The following SH2D1A variants were observed in gnomAD, a reference collection of about 807,000 sequenced individuals.
SH2D1A encodes SH2 domain-containing protein 1A.
SH2D1A carries 6 observed loss-of-function variants against 10.1 expected under a neutral mutation model. The observed-to-expected ratio is 0.60, with a 90% confidence interval of 0.33 to 1.18. The LOEUF (loss-of-function observed/expected upper bound fraction) is 1.18, where lower values mean the gene tolerates loss of function less well. SH2D1A is among the 50% of genes most tolerant of loss of function. SH2D1A has a pLI of 0.04. For missense variants in SH2D1A, 51 were observed against 97.6 expected (o/e 0.52, Z 2.01); for synonymous variants, 42 against 36.9 (o/e 1.14, Z -0.51).
At chrX:124,364,122 A>G (rs1034543484) in intron 1 of SH2D1A, among the ~76,000 whole-genome samples, 1 of 110,073 alleles carries the variant, frequency 9.1e-6, no homozygotes, top group African/African-American at 3.3e-5. Context: ...GAGGTATTCC[A>G]GAAGGCATTC....
chrX:124,356,255 A>G (rs1028232099), intron 1 of SH2D1A, among the ~76,000 whole-genome samples: 2 of 110,377 alleles, frequency 1.8e-5, no homozygotes, highest in African/African-American at 6.6e-5. Flanking sequence ...ATGGCTGCAT[A>G]GTATTCCATG....
chrX:124,352,893 CAGTT>C (rs2060018472), intron 1 of SH2D1A, among the ~76,000 whole-genome samples: 1 of 111,292 alleles, frequency 9.0e-6, no homozygotes, highest in South Asian at 3.7e-4. Context: ...TACAAACAGA[CAGTT>C]AGATAGAAGA....
intron 1 of SH2D1A, among the ~76,000 whole-genome samples, chrX:124,348,381 C>T (rs2059999323): frequency 9.0e-6 from 1 of 111,043 alleles, no homozygotes; most frequent in Non-Finnish European, 1.9e-5. Context: ...ATGTACAAAA[C>T]AAGTCTGGGC....
chrX:124,365,063 C>G (rs1460047351), intron 1 of SH2D1A, among the ~76,000 whole-genome samples: 1 of 110,668 alleles, frequency 9.0e-6, no homozygotes, highest in African/African-American at 3.3e-5. Context: ...GGTTTGTAGC[C>G]TGGAGTAATA....
chrX:124,364,165 C>T (rs371644478), intron 1 of SH2D1A, among the ~76,000 whole-genome samples: 1 of 110,345 alleles, frequency 9.1e-6, no homozygotes. Flanking sequence ...ATGACAGCTC[C>T]GTGTGTGTGA....
chrX:124,357,738 T>C (rs1299918819), intron 1 of SH2D1A, among the ~76,000 whole-genome samples: 1 of 112,021 alleles, frequency 8.9e-6, no homozygotes, highest in African/African-American at 3.2e-5. Flanking sequence ...ATTAGTGAGG[T>C]TGAGCATTTT....
Position 124,372,478 on chromosome X carries a change from T to C in SH2D1A, c.*1087T>C. 5.8e-6 allele frequency: 1 copy of C among 171,713 alleles called. No homozygotes were observed. The allele number at this position is 171,713 out of a possible 1,213,427, so 14.2% of individuals were successfully genotyped here. ...ACTGTCTTGTTGGACGAGAAAACAA[T>C]AACGATAAAAGACAGTGAAAGAAAA... On this transcript the variant is annotated 3_prime_UTR_variant, in exon 4 of 4. Coordinates refer to ENST00000371139, the MANE Select transcript of SH2D1A (RefSeq NM_002351.5).
intron 1 of SH2D1A, among the ~76,000 whole-genome samples, chrX:124,349,725 T>C (rs1462394156): frequency 1.8e-5 from 2 of 111,130 alleles, no homozygotes; most frequent in Non-Finnish European, 3.8e-5. Flanking sequence ...CTTTCAGATA[T>C]GGCCTTTTCT....
chrX:124,364,652 A>G (rs756296730), intron 1 of SH2D1A, among the ~76,000 whole-genome samples: 17 of 111,199 alleles, frequency 1.5e-4, no homozygotes, highest in Non-Finnish European at 2.8e-4. Flanking sequence ...AGCTGGGACT[A>G]CAGGTGCGTG....
Position 124,367,133 on chromosome X carries a change from G to GC in SH2D1A, c.201+1314dup, listed in dbSNP as rs781699993. ...AAGAGAGGGCTTATTGAACACAAAT[G>GC]CCCCCTCATCCTGTTGTCTGATCTG... On this transcript the variant is annotated intron_variant, in intron 2 of 3. Coordinates refer to ENST00000371139, the MANE Select transcript of SH2D1A (RefSeq NM_002351.5). Among the ~76,000 whole-genome samples, 195 of 111,756 alleles carry GC rather than the reference G, an allele frequency of 1.7e-3. 2 individuals carry two copies. The highest frequency in any genetic ancestry group is 6.1e-3 in the African/African-American group (189 of 30,834).
chrX:124,366,876 AACACACACACACACACACACACAC>A (rs59536671), intron 2 of SH2D1A, among the ~76,000 whole-genome samples: 1 of 87,087 alleles, frequency 1.1e-5, no homozygotes, highest in Non-Finnish European at 2.3e-5. Context: ...TATACTGACA[AACACACACACACACACACACACAC>A]ACACACACAC....
Position 124,371,802 on chromosome X carries a change from C to A in SH2D1A, c.*411C>A, listed in dbSNP as rs962546432. 6.1e-6 allele frequency: 1 copy of A among 165,043 alleles called. No homozygotes were observed. Among genetic ancestry groups the A allele is most frequent in the African/African-American group, 3.0e-5 (1 of 32,827 alleles). 13.6% of individuals were successfully genotyped at this position (165,043 alleles called of 1,213,427 possible). On this transcript the variant is annotated 3_prime_UTR_variant, in exon 4 of 4. Transcript: ENST00000371139. ...GCTTGATTGTATGGTGGGAAGTTGG[C>A]TGGTGTCCCTTGTCTTTGCCAAGTT...
rs1247785995 is a variant in SH2D1A, at chrX:124,371,424, A to G, written c.*33A>G. The G allele has an allele frequency of 2.1e-6, 2 of 935,907 alleles. No homozygotes were observed. Among genetic ancestry groups the G allele is most frequent in the Non-Finnish European group, 3.1e-6 (2 of 652,918 alleles). The allele number at this position is 935,907 out of a possible 1,213,427, so 77.1% of individuals were successfully genotyped here. On this transcript the variant is annotated 3_prime_UTR_variant, in exon 4 of 4. Coordinates refer to ENST00000371139, the MANE Select transcript of SH2D1A (RefSeq NM_002351.5). ...TAAAACACCTTGTACTTTATTTTCTATAATTTAAATATATGCTAAGTCTTA... is the reference window on the plus strand; with the variant it reads ...TAAAACACCTTGTACTTTATTTTCTGTAATTTAAATATATGCTAAGTCTTA...
intron 1 of SH2D1A, among the ~76,000 whole-genome samples, chrX:124,357,296 A>G (rs138310000): frequency 0.014 from 1,563 of 112,038 alleles, 31 homozygotes; most frequent in African/African-American, 0.048. Flanking sequence ...ATATTCATCC[A>G]TGTTGTTGCA....
chrX:124,347,024 T>G (rs749100270), intron 1 of SH2D1A, among the ~76,000 whole-genome samples: 1 of 110,645 alleles, frequency 9.0e-6, no homozygotes, highest in East Asian at 2.8e-4. Context: ...CAGAGCCTTT[T>G]GGGGCAGCTG....
At chrX:124,357,297 T>C (rs2060028859) in intron 1 of SH2D1A, among the ~76,000 whole-genome samples, 1 of 112,333 alleles carries the variant, frequency 8.9e-6, no homozygotes, top group Admixed American at 9.4e-5. Flanking sequence ...TATTCATCCA[T>C]GTTGTTGCAA....
At chrX:124,352,662 T>C (rs926321484) in intron 1 of SH2D1A, among the ~76,000 whole-genome samples, 4 of 112,077 alleles carry the variant, frequency 3.6e-5, no homozygotes, top group African/African-American at 1.3e-4. Context: ...CACATTTTCT[T>C]TATCCATTCA....
chrX:124,346,600 T>C lies in SH2D1A; in HGVS notation c.-43T>C. 8.3e-7 allele frequency: 1 copy of C among 1,207,496 alleles called. No homozygotes were observed. Among genetic ancestry groups the C allele is most frequent in the Non-Finnish European group, 1.1e-6 (1 of 891,862 alleles). ...GCTGCAGTAGCAGCGGCATCTCCCT[T>C]GCACAGTTCTCCTCCTCGGCCTGCC... is the stretch of plus-strand genomic sequence containing the variant. On this transcript the variant is annotated 5_prime_UTR_variant, in exon 1 of 4. Transcript: ENST00000371139.
At chrX:124,359,629 T>C (rs1419885878) in intron 1 of SH2D1A, among the ~76,000 whole-genome samples, 1 of 111,809 alleles carries the variant, frequency 8.9e-6, no homozygotes, top group African/African-American at 3.3e-5. Context: ...TTAGTGGGCT[T>C]TGAGGTAGAT....
Sources: gnomAD v4.1 joint callset for allele counts (sites outside exome capture counted in the v4.1 genomes callset) on GRCh38, gnomAD v4.1.1 for gene constraint, MANE v1.5 for transcripts, NCBI Gene and HGNC (gene_info 2026-07-23, HGNC 2026-07-21) for gene names.